SETBP1: variants seen among roughly 807,000 people sequenced by gnomAD.
SETBP1 encodes SET-binding protein.
In SETBP1, 9 loss-of-function variants were observed where a neutral mutation model predicts 101.0. The ratio of observed to expected loss-of-function variants is 0.09; its 90% CI spans 0.05 to 0.16. The LOEUF is 0.16. Ranked by LOEUF, SETBP1 falls within the 10% of genes least tolerant of loss-of-function variation. SETBP1 has a pLI of 1.00. For missense variants in SETBP1, 1,858 were observed against 2,033.8 expected, an observed-to-expected ratio of 0.91 and a Z score of 1.66; for synonymous variants, 818 against 788.5, an observed-to-expected ratio of 1.04 and a Z score of -0.63.
At chr18:44,936,865 C>T (rs2070970221) in intron 3 of SETBP1, among the ~76,000 whole-genome samples, 1 of 152,128 alleles carries the variant, frequency 6.6e-6, no homozygotes, top group Admixed American at 6.5e-5. Context: ...AGGAAGATCT[C>T]AAGCTCTGAA....
At position 45,066,874 on chromosome 18, in the gene SETBP1, A is replaced by G. The variant is rs902093222; in HGVS notation, c.*3176A>G. 6.6e-6 allele frequency: 1 copy of G among 152,164 alleles called. No homozygotes were observed. Among genetic ancestry groups the G allele is most frequent in the Admixed American group, 6.5e-5 (1 of 15,280 alleles). 9.4% of individuals were successfully genotyped at this position (152,164 alleles called of 1,614,324 possible). ...GAGAAAAGGATGAAATCTAGATACA[A>G]AAGTCACCTTGAAGGTGATGATGGA... is the stretch of plus-strand genomic sequence containing the variant. On this transcript the variant is annotated 3_prime_UTR_variant, in exon 6 of 6. Coordinates refer to ENST00000649279, the MANE Select transcript of SETBP1 (RefSeq NM_015559.3).
At position 44,699,533 on chromosome 18, in the gene SETBP1, C is replaced by T. The variant is rs114031552; in HGVS notation, c.-172-1642C>T. Among the ~76,000 whole-genome samples the T allele has an allele frequency of 2.2e-3, 340 of 152,338 alleles. 2 individuals are homozygous for T. The highest frequency in any genetic ancestry group is 7.8e-3 in the African/African-American group (325 of 41,570). On this transcript the variant is annotated intron_variant, in intron 1 of 5. Transcript: ENST00000649279. ...TGTCATCTGGTCTAACTTCTCCCCA[C>T]CTCCCAAAGTGGAGACTTTGTCCAT...
chr18:44,995,916 G>A (rs185470308), intron 4 of SETBP1, among the ~76,000 whole-genome samples: 3 of 152,222 alleles, frequency 2.0e-5, no homozygotes, highest in African/African-American at 7.2e-5. Flanking sequence ...GTTACAATGG[G>A]GCTTGTTTCC....
intron 5 of SETBP1, 89 bp from the exon 6 acceptor site, chr18:45,062,990 C>T (rs2073912322): frequency 6.4e-7 from 1 of 1,557,894 alleles, no homozygotes; most frequent in Non-Finnish European, 8.8e-7. Flanking sequence ...ATCTTTATAG[C>T]CAAGTAGAAT....
chr18:44,696,719 G>A (rs569948268), intron 1 of SETBP1, among the ~76,000 whole-genome samples: 31 of 152,230 alleles, frequency 2.0e-4, no homozygotes, highest in Admixed American at 2.0e-4. Flanking sequence ...ACAGACTTTC[G>A]TCCCAACCCA....
intron 5 of SETBP1, among the ~76,000 whole-genome samples, chr18:45,052,214 T>A (rs1358322151): frequency 6.6e-6 from 1 of 152,148 alleles, no homozygotes; most frequent in Non-Finnish European, 1.5e-5. Flanking sequence ...TCATATAGAT[T>A]AATCCCATAA....
chr18:44,744,776 A>C (rs1474753304), intron 2 of SETBP1, among the ~76,000 whole-genome samples: 10 of 128,290 alleles, frequency 7.8e-5, no homozygotes, highest in South Asian at 2.5e-4. Context: ...TCTTAAAAAA[A>C]AAAAAACAAA....
chr18:44,745,777 G>A (rs2070229354), intron 2 of SETBP1, among the ~76,000 whole-genome samples: 1 of 152,214 alleles, frequency 6.6e-6, no homozygotes, highest in Non-Finnish European at 1.5e-5. Flanking sequence ...GAGCATCAAA[G>A]GAGGGAGCAG....
intron 4 of SETBP1, among the ~76,000 whole-genome samples, chr18:45,023,877 C>G (rs1237157337): frequency 7.9e-5 from 12 of 152,140 alleles, no homozygotes; most frequent in Admixed American, 7.9e-4. Flanking sequence ...GTTTGTTACA[C>G]TTTTAAAAAA....
At chr18:45,050,860 C>A (rs373237779) in intron 5 of SETBP1, among the ~76,000 whole-genome samples, 120 of 152,332 alleles carry the variant, frequency 7.9e-4, no homozygotes, top group African/African-American at 2.7e-3. Flanking sequence ...CTCAAAAATT[C>A]TCCTCCAGGG....
rs114390821 is a variant in SETBP1 at position 44,962,374 on chromosome 18, G to A, written c.4000+9034G>A. Among the ~76,000 whole-genome samples the A allele has an allele frequency of 3.8e-3, 573 of 152,262 alleles. 1 individual carries two copies. Among genetic ancestry groups the A allele is most frequent in the African/African-American group, 0.012 (481 of 41,550 alleles). The stretch of plus-strand genomic sequence containing the variant: ...TGGATTTTTAAGAGGCACAGCTACC[G>A]TGAAGAGGGGATTGAACTGCCTCCC... On this transcript the variant is annotated intron_variant, in intron 4 of 5. Coordinates refer to ENST00000649279, the MANE Select transcript of SETBP1 (RefSeq NM_015559.3).
chr18:44,866,985 T>C (rs527396320), intron 2 of SETBP1, among the ~76,000 whole-genome samples: 81 of 152,326 alleles, frequency 5.3e-4, no homozygotes, highest in Non-Finnish European at 5.7e-4. Context: ...TGGTCTCCAG[T>C]GTGCTATAAT....
Position 45,005,643 on chromosome 18 carries a change from C to CTT in SETBP1, c.4001-32822_4001-32821dup, listed in dbSNP as rs11301319. ...GCCTCCGTGAAGTCTTAAAATCTTC[C>CTT]TTTTTTTTTTTTTTTTTTTTTGAGA... On this transcript the variant is annotated intron_variant, in intron 4 of 5. Transcript: ENST00000649279. Among the ~76,000 whole-genome samples the CTT allele has an allele frequency of 2.7e-3, 319 of 116,228 alleles. 3 individuals carry two copies. The highest frequency in any genetic ancestry group is 4.0e-3 in the African/African-American group (119 of 29,802). 76.3% of individuals were successfully genotyped at this position (116,228 alleles called of 152,430 possible). A position where few individuals can be genotyped will look rare whatever the true frequency, so the allele number is the denominator to read the frequency against.
intron 5 of SETBP1, among the ~76,000 whole-genome samples, chr18:45,049,757 T>C (rs1176406914): frequency 6.6e-6 from 1 of 152,170 alleles, no homozygotes; most frequent in Non-Finnish European, 1.5e-5. Context: ...ACAGTTAATC[T>C]AGCAGCAATG....
chr18:45,044,463 G>A lies in SETBP1; in HGVS notation c.4171+5808G>A, dbSNP rs146011715. ...CTGGGCCACCAAGGGACTCGGCAGG[G>A]TTGGAAGCTTCTGTGTTTCCCCATC... On this transcript the variant is annotated intron_variant, in intron 5 of 5. Transcript: ENST00000649279. Among the ~76,000 whole-genome samples, 1,066 of 152,332 alleles carry A rather than the reference G, an allele frequency of 7.0e-3. 13 individuals are homozygous for A. The highest frequency in any genetic ancestry group is 0.024 in the African/African-American group (982 of 41,566).
chr18:45,045,636 G>A lies in SETBP1; in HGVS notation c.4171+6981G>A, dbSNP rs562777616. Among the ~76,000 whole-genome samples, 72 of 152,254 alleles carry A rather than the reference G, an allele frequency of 4.7e-4. 3 individuals carry two copies. In the South Asian group the frequency reaches 0.013, roughly 27 times the overall value. On this transcript the variant is annotated intron_variant, in intron 5 of 5. Transcript: ENST00000649279. ...TGAAATGCTCTGGTTGAATGCATGT[G>A]TTCTGGCTTTATATTGCCTGTGTTG...
chr18:44,736,220 A>G (rs907604539), intron 2 of SETBP1, among the ~76,000 whole-genome samples: 8 of 143,848 alleles, frequency 5.6e-5, no homozygotes, highest in Non-Finnish European at 7.9e-5. Flanking sequence ...TCCCTTCTCT[A>G]TAAAAAAAGT....
intron 3 of SETBP1, among the ~76,000 whole-genome samples, chr18:44,897,891 G>C (rs1417014591): frequency 6.6e-6 from 1 of 152,168 alleles, no homozygotes; most frequent in Non-Finnish European, 1.5e-5. Flanking sequence ...GCACTTCTGG[G>C]AGTGTTGAGT....
intron 2 of SETBP1, among the ~76,000 whole-genome samples, chr18:44,802,939 G>A (rs1289714297): frequency 1.3e-5 from 2 of 152,060 alleles, no homozygotes; most frequent in Non-Finnish European, 2.9e-5. Flanking sequence ...ATGTTCCCCT[G>A]GCATCAGAGG....
Sources: allele counts gnomAD v4.1 joint callset (sites outside exome capture counted in the v4.1 genomes callset), GRCh38; gene constraint gnomAD v4.1.1; transcripts MANE v1.5; gene names NCBI Gene and HGNC (gene_info 2026-07-23, HGNC 2026-07-21).